Variants in KLRD1 observed in about 807,000 individuals in gnomAD.
KLRD1 encodes the protein natural killer cells antigen CD94.
Under a neutral mutation model 22.6 loss-of-function variants are expected in KLRD1, and 21 were observed. The observed-to-expected ratio is 0.93, with a 90% confidence interval of 0.66 to 1.34. The LOEUF is 1.34. KLRD1 is among the 40% of genes most tolerant of loss of function. KLRD1 has a pLI of 0.00. For missense variants in KLRD1, 183 were observed against 208.6 expected, an observed-to-expected ratio of 0.88 and a Z score of 0.76; for synonymous variants, 59 against 71.1, an observed-to-expected ratio of 0.83 and a Z score of 0.85.
At chr12:10,255,926 T>G (rs1363028384) in intron 1 of KLRD1, among the ~76,000 whole-genome samples, 1 of 152,122 alleles carries the variant, frequency 6.6e-6, no homozygotes, top group Non-Finnish European at 1.5e-5. Context: ...AGGCATTACA[T>G]TCTCCAAGTA....
chr12:10,272,187 C>T (rs1423087860), intron 1 of KLRD1, among the ~76,000 whole-genome samples: 7 of 152,090 alleles, frequency 4.6e-5, no homozygotes, highest in South Asian at 2.1e-4. Context: ...CATGAAAAGC[C>T]GTTATCTAAT....
chr12:10,292,268 G>A (rs1158895009), intron 1 of KLRD1, among the ~76,000 whole-genome samples: 2 of 152,168 alleles, frequency 1.3e-5, no homozygotes, highest in African/African-American at 4.8e-5. Context: ...TGAACCACAA[G>A]TGTTCTTAAA....
chr12:10,280,045 T>C (rs573001923), intron 1 of KLRD1, among the ~76,000 whole-genome samples: 1 of 152,360 alleles, frequency 6.6e-6, no homozygotes, highest in Non-Finnish European at 1.5e-5. Flanking sequence ...ATCAGAAATG[T>C]CTTTCTCCTT....
intron 1 of KLRD1, among the ~76,000 whole-genome samples, chr12:10,251,137 C>A (rs1401617485): frequency 6.6e-6 from 1 of 151,642 alleles, no homozygotes; most frequent in Non-Finnish European, 1.5e-5. Flanking sequence ...ATACTATTTT[C>A]TTTTTGAGAT....
At chr12:10,250,485 C>G (rs753791335) in intron 1 of KLRD1, among the ~76,000 whole-genome samples, 22 of 151,848 alleles carry the variant, frequency 1.4e-4, no homozygotes, top group African/African-American at 4.8e-4. Context: ...GAGACGGGGT[C>G]TCACTCTGTT....
chr12:10,273,593 A>G (rs1796196384), intron 1 of KLRD1, among the ~76,000 whole-genome samples: 1 of 152,212 alleles, frequency 6.6e-6, no homozygotes, highest in South Asian at 2.1e-4. Flanking sequence ...CCTTTGATGG[A>G]TAGAAATAAA....
At chr12:10,264,392 A>G (rs1374000488) in intron 1 of KLRD1, among the ~76,000 whole-genome samples, 1 of 152,196 alleles carries the variant, frequency 6.6e-6, no homozygotes, top group Non-Finnish European at 1.5e-5. Flanking sequence ...AAAAGTAAGT[A>G]TTCACTACAC....
chr12:10,311,447 T>C lies in KLRD1; in HGVS notation c.164-17T>C. ...TAGTCTCCAGTGTCATTAGTCATGC[T>C]TTATGTTTTCTGTCAGACTCTGACT... On this transcript the variant is annotated splice_polypyrimidine_tract_variant and intron_variant, in intron 3 of 5. Transcript: ENST00000336164. The C allele has an allele frequency of 6.2e-7, 1 of 1,609,782 alleles. No individual in the cohort carries two copies. Among genetic ancestry groups the C allele is most frequent in the South Asian group, 1.1e-5 (1 of 90,918 alleles).
intron 1 of KLRD1, among the ~76,000 whole-genome samples, chr12:10,244,625 T>C (rs1949273444): frequency 6.6e-6 from 1 of 151,624 alleles, no homozygotes; most frequent in Non-Finnish European, 1.5e-5. Flanking sequence ...CTACTAAAAA[T>C]ACAAAAAATT....
intron 1 of KLRD1, among the ~76,000 whole-genome samples, chr12:10,293,937 C>A (rs966411886): frequency 5.3e-5 from 8 of 152,176 alleles, no homozygotes; most frequent in Admixed American, 5.2e-4. Flanking sequence ...CAGGGGTTAA[C>A]AGGCAGTATT....
chr12:10,262,217 A>G (rs1949460336), intron 1 of KLRD1, among the ~76,000 whole-genome samples: 1 of 152,074 alleles, frequency 6.6e-6, no homozygotes, highest in Non-Finnish European at 1.5e-5. Context: ...TACACTTCCA[A>G]TTCTTCATTA....
At chr12:10,257,376 G>A (rs36171638) in intron 1 of KLRD1, among the ~76,000 whole-genome samples, 5,871 of 149,796 alleles carry the variant, frequency 0.039, 397 homozygotes, top group African/African-American at 0.14. Context: ...GTTAAATAAC[G>A]TCCATTAAAT....
intron 1 of KLRD1, among the ~76,000 whole-genome samples, chr12:10,243,603 A>C (rs1949261129): frequency 3.0e-5 from 3 of 100,532 alleles, no homozygotes; most frequent in Admixed American, 2.9e-4. Context: ...ACAGAGTGAG[A>C]CTCCAAAAAA....
At chr12:10,276,631 C>T (rs185102534) in intron 1 of KLRD1, among the ~76,000 whole-genome samples, 21 of 151,078 alleles carry the variant, frequency 1.4e-4, no homozygotes, top group East Asian at 7.8e-4. Context: ...CAGGTTCAAG[C>T]GATTCTCCTG....
At chr12:10,308,897 T>C (rs998416708) in intron 1 of KLRD1, 1 of 154,948 alleles carries the variant, frequency 6.5e-6, no homozygotes, top group Non-Finnish European at 1.4e-5. Context: ...AGACACACTT[T>C]CATGTGATTT....
Position 10,256,390 on chromosome 12 carries a change from A to G in KLRD1, c.-101+30157A>G, listed in dbSNP as rs1384206157. Among the ~76,000 whole-genome samples, 3 of 129,936 alleles carry G rather than the reference A, an allele frequency of 2.3e-5. No individual in the cohort carries two copies. In the South Asian group the frequency reaches 7.1e-4, roughly 31 times the overall value. 85.2% of individuals were successfully genotyped at this position (129,936 alleles called of 152,430 possible). ...GTGTCTTATAGTTATTTTCCCACTC[A>G]TTTTTTCCATTATTGACTTTCTTTG... is the stretch of plus-strand genomic sequence containing the variant. On this transcript the variant is annotated intron_variant, in intron 1 of 5. Coordinates refer to the KLRD1 transcript ENST00000544747.
chr12:10,271,660 A>G (rs868064615), intron 1 of KLRD1, among the ~76,000 whole-genome samples: 13 of 152,312 alleles, frequency 8.5e-5, no homozygotes, highest in Middle Eastern at 3.4e-3. Context: ...TTTCCTCAGA[A>G]AACTCTAAAA....
At chr12:10,301,926 G>C (rs1261339121), upstream of KLRD1, among the ~76,000 whole-genome samples, 1 of 152,098 alleles carries the variant, frequency 6.6e-6, no homozygotes, top group African/African-American at 2.4e-5. Flanking sequence ...TCAGGTAATA[G>C]TTAGGCTTGA....
chr12:10,325,450 T>C lies in KLRD1; in HGVS notation c.*10657T>C, dbSNP rs1950351971. ...GTATTATTAACAATAGGTACAATGT[T>C]GTATAGTAGATCTCTATAATTTATT... is the stretch of plus-strand genomic sequence containing the variant. On this transcript the variant is annotated 3_prime_UTR_variant, in exon 6 of 6. Coordinates refer to ENST00000336164, the MANE Select transcript of KLRD1 (RefSeq NM_002262.5). 1 of 152,182 alleles carries C rather than the reference T, an allele frequency of 6.6e-6. No homozygotes were observed. Among genetic ancestry groups the C allele is most frequent in the African/African-American group, 2.4e-5 (1 of 41,442 alleles). The allele number at this position is 152,182 out of a possible 1,614,324, so 9.4% of individuals were successfully genotyped here.
Sources: allele counts gnomAD v4.1 joint callset (sites outside exome capture counted in the v4.1 genomes callset), GRCh38; gene constraint gnomAD v4.1.1; transcripts MANE v1.5; gene names NCBI Gene and HGNC (gene_info 2026-07-23, HGNC 2026-07-21).